The following SRP72 variants were observed in gnomAD, a reference collection of about 807,000 sequenced individuals.
SRP72 encodes signal recognition particle 72.
A neutral mutation model predicts 96.3 loss-of-function variants in SRP72; 49 were observed. That is an observed-to-expected ratio of 0.51 (90% confidence interval 0.40 to 0.65). The LOEUF (loss-of-function observed/expected upper bound fraction) is 0.65, where lower values mean the gene tolerates loss of function less well. SRP72 is among the 30% of genes least tolerant of loss of function. The probability of loss-of-function intolerance (pLI) is 0.00; values close to 1 mark genes in which losing one functional copy is unlikely to be tolerated. For missense variants in SRP72, 736 were observed against 793.3 expected (o/e 0.93, Z 0.87); for synonymous variants, 267 against 275.2 (o/e 0.97, Z 0.30).
rs1462777604 is a variant in SRP72 at position 56,486,498 on chromosome 4, GT to G, written c.1159+102del. 8.8e-6 allele frequency: 8 copies of G among 909,076 alleles called. No homozygotes were observed. In the East Asian group the frequency reaches 2.2e-4, roughly 26 times the overall value. 56.3% of individuals were successfully genotyped at this position (909,076 alleles called of 1,614,324 possible). Reference sequence around the variant, plus strand: ...TGATTTTAAGTTTTTTTGTGTAATAGTAAAGCATAATAATTACTGTTTCAAA... The same window carrying G: ...TGATTTTAAGTTTTTTTGTGTAATAGAAAGCATAATAATTACTGTTTCAAA... On this transcript the variant is annotated intron_variant, in intron 11 of 18. Coordinates refer to ENST00000642900, the MANE Select transcript of SRP72 (RefSeq NM_006947.4).
Position 56,490,422 on chromosome 4 carries a change from A to C in SRP72, c.1410A>C (p.Leu470=). ...YGRKKEAISD[L]QQLWKQNPKD... ...GGAAGAAGGAGGCAATTAGTGACCT[A>C]CAACAGCTGTGGAAGTAAGCTCTGA... The change falls in exon 14 of 19, where the codon CTA becomes CTC. Residue 470 remains leucine (L), a synonymous_variant. Transcript: ENST00000642900. The C allele has an allele frequency of 6.2e-7, 1 of 1,613,826 alleles. No homozygotes were observed. The highest frequency in any genetic ancestry group is 2.2e-5 in the East Asian group (1 of 44,854).
chr4:56,477,299 C>CTTTTTTTT (rs1720276211), intron 6 of SRP72: 6 of 97,274 alleles, frequency 6.2e-5, no homozygotes, highest in African/African-American at 2.3e-4. Flanking sequence ...CTCTCTCTCT[C>CTTTTTTTT]TCTTTTTTTT....
rs769104012 is a variant in SRP72, at chr4:56,501,720, C to G, written c.1875C>G (p.Ser625=). 5 of 1,614,020 alleles carry G rather than the reference C, an allele frequency of 3.1e-6. No homozygotes were observed. In the South Asian group the frequency reaches 4.4e-5, roughly 14 times the overall value. The change falls in exon 19 of 19, where the codon TCC becomes TCG. Residue 625 remains serine (S), a synonymous_variant. Transcript: ENST00000642900. ...AAACTGTGAGCAGCCCACCCACCTC[C>G]CCAAGACCTGGCAGTGCTGCAACAG... ...ASKTVSSPPT[S]PRPGSAATVS...
At chr4:56,467,874 CCGCCCGGCTCGGGCCCTAG>C (rs1719803910) in intron 1 of SRP72, 130 bp downstream of exon 1, 3 of 941,244 alleles carry the variant, frequency 3.2e-6, no homozygotes, top group Middle Eastern at 3.6e-4. Flanking sequence ...CGTCTATTGT[CCGCCCGGCTCGGGCCCTAG>C]CGCCCGGAAG....
At chr4:56,493,805 G>GC (rs1322813067) in intron 16 of SRP72, among the ~76,000 whole-genome samples, 2 of 152,188 alleles carry the variant, frequency 1.3e-5, no homozygotes, top group African/African-American at 4.8e-5. Context: ...GGTGGAGGTT[G>GC]CAGTGAGCCA....
chr4:56,470,328 CAG>C (rs1427257388), intron 2 of SRP72, among the ~76,000 whole-genome samples: 2 of 152,068 alleles, frequency 1.3e-5, no homozygotes, highest in African/African-American at 4.8e-5. Context: ...ATCACGAGGT[CAG>C]GGGTTTGAGA....
chr4:56,468,137 C>G (rs550948959), intron 1 of SRP72, among the ~76,000 whole-genome samples: 1 of 152,158 alleles, frequency 6.6e-6, no homozygotes, highest in Non-Finnish European at 1.5e-5. Flanking sequence ...GATCAGGACT[C>G]TATTGCTGAG....
At chr4:56,469,889 T>G (rs79207623) in intron 2 of SRP72, 116 bp downstream of exon 2, 1 of 882,184 alleles carries the variant, frequency 1.1e-6, no homozygotes, top group African/African-American at 3.3e-5. Context: ...TTTTCCTTCC[T>G]TTTTTTCCCC....
At chr4:56,480,707 A>G (rs1443821342) in intron 8 of SRP72, among the ~76,000 whole-genome samples, 3 of 152,224 alleles carry the variant, frequency 2.0e-5, no homozygotes, top group Non-Finnish European at 1.5e-5. Flanking sequence ...ACTGGATGCA[A>G]TAGGTAATGA....
intron 15 of SRP72, among the ~76,000 whole-genome samples, 185 bp downstream of exon 15, chr4:56,490,830 A>C (rs193044105): frequency 1.5e-3 from 236 of 152,338 alleles, no homozygotes; most frequent in African/African-American, 5.5e-3. Context: ...GATAGATCCA[A>C]CTTAGGGTTC....
chr4:56,500,802 G>C, intron 18 of SRP72, 107 bp downstream of exon 18: 1 of 1,127,054 alleles, frequency 8.9e-7, no homozygotes, highest in Non-Finnish European at 1.2e-6. Context: ...GAAATGTGAT[G>C]TATCTTTGAT....
At chr4:56,500,763 TAGTG>T (rs1721234825) in intron 18 of SRP72, 68 bp downstream of exon 18, 1 of 1,420,776 alleles carries the variant, frequency 7.0e-7, no homozygotes, top group Non-Finnish European at 9.5e-7. Flanking sequence ...TCAAGGCTAT[TAGTG>T]AGAATTTGTT....
chr4:56,474,443 A>G, intron 5 of SRP72, 52 bp downstream of exon 5: 2 of 1,462,534 alleles, frequency 1.4e-6, no homozygotes, highest in Non-Finnish European at 1.9e-6. Context: ...ATAACTTTGT[A>G]GAGTATCTTC....
rs1159676842 is a variant in SRP72, at chr4:56,503,486, G to A, written c.*1625G>A. On this transcript the variant is annotated 3_prime_UTR_variant, in exon 19 of 19. Coordinates refer to ENST00000642900, the MANE Select transcript of SRP72 (RefSeq NM_006947.4). ...ACTAAAACTTCATCAGTTCAAATAAGTTTTAATTGTCAAATGAAGTATAAA... is the reference window on the plus strand; with the variant it reads ...ACTAAAACTTCATCAGTTCAAATAAATTTTAATTGTCAAATGAAGTATAAA... The A allele has an allele frequency of 2.0e-5, 3 of 152,162 alleles. No individual in the cohort carries two copies. Among genetic ancestry groups the A allele is most frequent in the Non-Finnish European group, 4.4e-5 (3 of 68,032 alleles). The allele number at this position is 152,162 out of a possible 1,614,324, so 9.4% of individuals were successfully genotyped here.
chr4:56,484,568 C>G (rs1019919310), intron 9 of SRP72, among the ~76,000 whole-genome samples, 168 bp from the exon 10 acceptor site: 1 of 152,100 alleles, frequency 6.6e-6, no homozygotes, highest in Non-Finnish European at 1.5e-5. Context: ...CATTTTCTTA[C>G]AAGAAAAAAT....
At position 56,484,795 on chromosome 4, in the gene SRP72, A is replaced by C; in HGVS notation, c.1017A>C (p.Leu339Phe). 5 of 1,614,142 alleles carry C rather than the reference A, an allele frequency of 3.1e-6. No individual in the cohort carries two copies. Among genetic ancestry groups the C allele is most frequent in the Non-Finnish European group, 4.2e-6 (5 of 1,180,022 alleles). ...SLQSQSPEHL[L>F]PVLIQAAQLC... is the part of the protein sequence containing the mutation. ...AGTCCCAAAGTCCCGAGCATCTCTT[A>C]CCTGTGTTAATCCAAGCTGCCCAGC... The change falls in exon 10 of 19, where the codon TTA becomes TTC. Residue 339 changes from leucine (L) to phenylalanine (F), a missense_variant. Around this residue, in one of 3 missense-constraint regions of SRP72, gnomAD observed 388 missense variants for 431.8 expected, o/e 0.90. Coordinates refer to ENST00000642900, the MANE Select transcript of SRP72 (RefSeq NM_006947.4).
Position 56,471,762 on chromosome 4 carries a change from G to A in SRP72, c.273G>A (p.Leu91=). The change falls in exon 3 of 19, where the codon CTG becomes CTA. Residue 91 remains leucine (L), a synonymous_variant. Transcript: ENST00000642900. ...SFEKAYCEYR[L]NRIENALKTI... Reference sequence around the variant, plus strand: ...AAAAGGCATATTGCGAGTACAGGCTGAACAGAATTGAGAATGCCTTGAAGA... The same window carrying A: ...AAAAGGCATATTGCGAGTACAGGCTAAACAGAATTGAGAATGCCTTGAAGA... The A allele has an allele frequency of 6.2e-7, 1 of 1,614,002 alleles. No individual in the cohort carries two copies. The highest frequency in any genetic ancestry group is 8.5e-7 in the Non-Finnish European group (1 of 1,180,002).
intron 6 of SRP72, among the ~76,000 whole-genome samples, chr4:56,477,879 G>GTTC (rs1252815357): frequency 2.0e-5 from 3 of 152,172 alleles, no homozygotes; most frequent in Non-Finnish European, 4.4e-5. Flanking sequence ...TACAGAATTA[G>GTTC]TTCCAGCTTT....
intron 2 of SRP72, among the ~76,000 whole-genome samples, chr4:56,471,174 G>A (rs1430226022): frequency 6.6e-6 from 1 of 152,064 alleles, no homozygotes; most frequent in Non-Finnish European, 1.5e-5. Flanking sequence ...TTTTCCTCAT[G>A]GATTATGGTT....
Sources: gnomAD v4.1 joint callset for allele counts (sites outside exome capture counted in the v4.1 genomes callset) on GRCh38, gnomAD v4.1.1 for gene constraint, gnomAD v4.1.1 regional missense constraint, MANE v1.5 for transcripts, NCBI Gene and HGNC (gene_info 2026-07-23, HGNC 2026-07-21) for gene names.